EVC2: variants seen among roughly 807,000 people sequenced by gnomAD.
EVC2 encodes EvC ciliary complex subunit 2.
A neutral mutation model predicts 149.3 loss-of-function variants in EVC2; 148 were observed. That is an observed-to-expected ratio of 0.99 (90% confidence interval 0.87 to 1.14). The LOEUF (loss-of-function observed/expected upper bound fraction) is 1.14. EVC2 is among the 50% of genes most tolerant of loss of function. The pLI is 0.00. For missense variants in EVC2, 1,854 were observed against 1,627.3 expected (o/e 1.14, Z -2.40); for synonymous variants, 776 against 649.9 (o/e 1.19, Z -2.95).
Position 5,576,437 on chromosome 4 carries a change from C to T in EVC2, c.3075G>A (p.Glu1025=), listed in dbSNP as rs1208477150. Residue 1025 remains glutamate (E), a synonymous_variant, in exon 18 of 22, where the codon GAG becomes GAA. Coordinates refer to ENST00000344408, the MANE Select transcript of EVC2 (RefSeq NM_147127.5). The surrounding 1 kb of genome is among the most constrained non-coding windows in gnomAD (Gnocchi z 4.5). ...ESHSRELQEL[E]RKLEDQLVQQ... is the part of the protein sequence containing the mutation. Reference sequence around the variant, plus strand: ...GCACCAGCTGGTCCTCCAGCTTCCTCTCCAACTCCTGGAGCTCCTACACAA... The same window carrying T: ...GCACCAGCTGGTCCTCCAGCTTCCTTTCCAACTCCTGGAGCTCCTACACAA... The T allele has an allele frequency of 4.4e-6, 7 of 1,603,482 alleles. No individual in the cohort carries two copies. The highest frequency in any genetic ancestry group is 6.0e-6 in the Non-Finnish European group (7 of 1,174,864).
At chr4:5,676,020 G>C (rs1240334861) in intron 7 of EVC2, among the ~76,000 whole-genome samples, 1 of 152,180 alleles carries the variant, frequency 6.6e-6, no homozygotes, top group Non-Finnish European at 1.5e-5. Context: ...TGGTTTAAAT[G>C]TCTCTCTCTG....
intron 17 of EVC2, among the ~76,000 whole-genome samples, chr4:5,579,873 G>T (rs972335860): frequency 6.6e-6 from 1 of 152,114 alleles, no homozygotes; most frequent in African/African-American, 2.4e-5. Context: ...AAGATGCCAG[G>T]TGAGGCTTGG....
rs1262597002 is a variant in EVC2, at chr4:5,567,412, C to T, written c.3557+1032G>A. 1.3e-5 allele frequency among the ~76,000 whole-genome samples: 2 copies of T among 151,322 alleles called. No individual in the cohort carries two copies. Among genetic ancestry groups the T allele is most frequent in the East Asian group, 3.9e-4 (2 of 5,138 alleles). On this transcript the variant is annotated intron_variant, in intron 20 of 21. Coordinates refer to ENST00000344408, the MANE Select transcript of EVC2 (RefSeq NM_147127.5). The surrounding 1 kb of genome is among the most constrained non-coding windows in gnomAD (Gnocchi z 4.4). ...ATTACCCCTTTTCTCAGGACAAATGCTATCTACACAGTCATGATGGTTCAG... is the reference window on the plus strand; with the variant it reads ...ATTACCCCTTTTCTCAGGACAAATGTTATCTACACAGTCATGATGGTTCAG...
intron 16 of EVC2, among the ~76,000 whole-genome samples, chr4:5,604,557 G>A (rs1359372156): frequency 6.6e-6 from 1 of 152,086 alleles, no homozygotes. Context: ...GAAGGTTGTG[G>A]GGGAGACAAA....
intron 7 of EVC2, among the ~76,000 whole-genome samples, chr4:5,680,253 C>G (rs374500255): frequency 2.6e-5 from 4 of 152,152 alleles, no homozygotes; most frequent in African/African-American, 4.8e-5. Context: ...ATAGTAAATA[C>G]GTAAACCAGC....
In EVC2 at chr4:5,681,283, T is replaced by C. The variant is rs777206473; in HGVS notation, c.847A>G (p.Ile283Val). 19 of 1,614,040 alleles carry C rather than the reference T, an allele frequency of 1.2e-5. No individual in the cohort carries two copies. The highest frequency in any genetic ancestry group is 8.9e-5 in the East Asian group (4 of 44,898). Reference sequence around the variant, plus strand: ...ACCGTTACGTTTTCTTCTGCTGTTATGGAAAAAAGCACTTTCAGCTGTGTT... The same window carrying C: ...ACCGTTACGTTTTCTTCTGCTGTTACGGAAAAAAGCACTTTCAGCTGTGTT... ...NRTQLKVLFS[I>V]TAEENVTVLP... Residue 283 changes from isoleucine (I) to valine (V), a missense_variant, in exon 7 of 22, where the codon ATA (isoleucine) becomes GTA (valine). By Grantham distance (29) the Ile-to-Val change is conservative. Transcript: ENST00000344408.
chr4:5,706,568 C>T (rs554861462), intron 1 of EVC2, among the ~76,000 whole-genome samples: 1 of 151,930 alleles, frequency 6.6e-6, no homozygotes, highest in Non-Finnish European at 1.5e-5. Flanking sequence ...CCTGTGCCTT[C>T]GGGAACTGTG....
At chr4:5,678,573 T>C (rs929092060) in intron 7 of EVC2, among the ~76,000 whole-genome samples, 5 of 152,202 alleles carry the variant, frequency 3.3e-5, no homozygotes, top group African/African-American at 1.2e-4. Flanking sequence ...AAATTCCTAA[T>C]TGTGCAAACA....
At chr4:5,557,675 A>G (rs1721861119), downstream of EVC2, among the ~76,000 whole-genome samples, 2 of 152,142 alleles carry the variant, frequency 1.3e-5, no homozygotes, top group African/African-American at 4.8e-5. Context: ...CCAAAAACAA[A>G]CAAACAAAAA....
At chr4:5,541,771 A>G (rs1721517950), downstream of EVC2, among the ~76,000 whole-genome samples, 1 of 152,096 alleles carries the variant, frequency 6.6e-6, no homozygotes, top group South Asian at 2.1e-4. Flanking sequence ...GATGATTAGG[A>G]ATTCACCCGT....
rs376661375 is a variant in EVC2, at chr4:5,544,613, A to C, written c.3420-1401T>G. On this transcript the variant is annotated intron_variant and NMD_transcript_variant, in intron 21 of 22. Coordinates refer to the EVC2 transcript ENST00000475313. ...AAGAGTAGACTCCCATAATTCAAAAAAAATGAAACAGCTTCAGGACAAATC... is the reference window on the plus strand; with the variant it reads ...AAGAGTAGACTCCCATAATTCAAAACAAATGAAACAGCTTCAGGACAAATC... Among the ~76,000 whole-genome samples, 9 of 152,352 alleles carry C rather than the reference A, an allele frequency of 5.9e-5. No homozygotes were observed. The South Asian group carries it at 1.7e-3, about 28-fold the overall frequency.
chr4:5,549,338 G>A (rs534381403), intron 21 of EVC2, among the ~76,000 whole-genome samples: 62 of 152,240 alleles, frequency 4.1e-4, no homozygotes, highest in African/African-American at 1.3e-3. Context: ...CTTCGACAGG[G>A]GAATACAATG....
In EVC2 at chr4:5,708,338, C is replaced by A; in HGVS notation, c.176G>T (p.Gly59Val). ...DPQVAPRSGPGLRIPPGRSGA... is the reference protein window; with the variant it reads ...DPQVAPRSGPVLRIPPGRSGA... ...GCTCCGCCCCGGAGGGATCCTCAGG[C>A]CGGGCCCAGACCTAGGAGCCACCTG... is the stretch of plus-strand genomic sequence containing the variant. Residue 59 changes from glycine to valine, a missense_variant, in exon 1 of 22, where the codon GGC becomes GTC. Coordinates refer to ENST00000344408, the MANE Select transcript of EVC2 (RefSeq NM_147127.5). 1.4e-6 allele frequency: 2 copies of A among 1,478,210 alleles called. No homozygotes were observed. Among genetic ancestry groups the A allele is most frequent in the South Asian group, 1.3e-5 (1 of 76,576 alleles). 91.6% of individuals were successfully genotyped at this position (1,478,210 alleles called of 1,614,324 possible). A position where few individuals can be genotyped will look rare whatever the true frequency, so the allele number is the denominator to read the frequency against.
intron 9 of EVC2, among the ~76,000 whole-genome samples, chr4:5,662,468 TAATATAATATTA>T (rs1465987340): frequency 2.1e-5 from 3 of 144,574 alleles, no homozygotes; most frequent in African/African-American, 7.6e-5. Context: ...TAATTATTAT[TAATATAATATTA>T]AATATAATAT....
intron 17 of EVC2, among the ~76,000 whole-genome samples, chr4:5,578,957 A>G (rs1353179725): frequency 1.3e-5 from 2 of 152,160 alleles, no homozygotes; most frequent in East Asian, 3.9e-4. Flanking sequence ...GGTAGAGCAG[A>G]AGCATTCTAG....
intron 16 of EVC2, among the ~76,000 whole-genome samples, chr4:5,601,013 A>G (rs1427183392): frequency 6.6e-6 from 1 of 152,218 alleles, no homozygotes; most frequent in Non-Finnish European, 1.5e-5. Context: ...AATGTTGGGC[A>G]GCCATGCCTT....
rs1719558320 is a variant in EVC2, at chr4:5,670,337, T to C, written c.871-4688A>G. Among the ~76,000 whole-genome samples, 1 of 151,984 alleles carries C rather than the reference T, an allele frequency of 6.6e-6. No individual in the cohort carries two copies. Among genetic ancestry groups the C allele is most frequent in the African/African-American group, 2.4e-5 (1 of 41,362 alleles). On this transcript the variant is annotated intron_variant, in intron 7 of 21. Transcript: ENST00000344408. This position sits in a 1 kb window ranked among gnomAD's most constrained non-coding sequence, Gnocchi z 5.2. ...ATCACCATCAAATTCATCATCACCA[T>C]CACCACAATGACTGTCACCACCACC...
In EVC2 at chr4:5,628,964, G is replaced by C. The variant is rs140803712; in HGVS notation, c.1711-230C>G. 3.7e-3 allele frequency among the ~76,000 whole-genome samples: 565 copies of C among 152,308 alleles called. 4 individuals carry two copies. The highest frequency in any genetic ancestry group is 0.013 in the African/African-American group (539 of 41,552). On this transcript the variant is annotated intron_variant, in intron 11 of 21. Coordinates refer to ENST00000344408, the MANE Select transcript of EVC2 (RefSeq NM_147127.5). ...GCATTCTAGACCCAGATGGTAAAGA[G>C]TTATCAGAACAACTTCACTGCCCTA...
At position 5,618,414 on chromosome 4, in the gene EVC2, T is replaced by C. The variant is rs146043610; in HGVS notation, c.2706+64A>G. On this transcript the variant is annotated intron_variant, in intron 15 of 21. Transcript: ENST00000344408. The surrounding 1 kb of genome is among the most constrained non-coding windows in gnomAD (Gnocchi z 4.4). Reference sequence around the variant, plus strand: ...TCAGGCTGGGGAAGAGGCCAGACCCTGTAGGGCCAGCAGCTGGGAGACGGC... The same window carrying C: ...TCAGGCTGGGGAAGAGGCCAGACCCCGTAGGGCCAGCAGCTGGGAGACGGC... 8,056 of 1,595,470 alleles carry C rather than the reference T, an allele frequency of 5.0e-3. 40 individuals carry two copies. Among genetic ancestry groups the C allele is most frequent in the Non-Finnish European group, 5.4e-3 (6,268 of 1,166,256 alleles).
Sources: allele counts gnomAD v4.1 joint callset (sites outside exome capture counted in the v4.1 genomes callset), GRCh38; gene constraint gnomAD v4.1.1; non-coding constraint Gnocchi (gnomAD v3.1); transcripts MANE v1.5; gene names NCBI Gene and HGNC (gene_info 2026-07-23, HGNC 2026-07-21).